Variants in STAU1 observed in about 807,000 individuals in gnomAD.
STAU1 encodes the protein double-stranded RNA-binding protein Staufen homolog 1.
A neutral mutation model predicts 62.9 loss-of-function variants in STAU1; 13 were observed. That is an observed-to-expected ratio of 0.21 (90% CI 0.13 to 0.33). The LOEUF (loss-of-function observed/expected upper bound fraction) is 0.33. Among genes scored for constraint, STAU1 ranks in the 10% least tolerant of loss-of-function variants. The pLI is 1.00. For missense variants in STAU1, 571 were observed against 712.1 expected, an observed-to-expected ratio of 0.80 and a Z score of 2.25; for synonymous variants, 269 against 265.1, an observed-to-expected ratio of 1.01 and a Z score of -0.14.
At chr20:49,172,924 C>T (rs2093615229) in intron 2 of STAU1, among the ~76,000 whole-genome samples, 1 of 151,334 alleles carries the variant, frequency 6.6e-6, no homozygotes, top group Non-Finnish European at 1.5e-5. Context: ...GTTGCCCAGG[C>T]TAGAGTGCAG....
the STAU1 span, among the ~76,000 whole-genome samples, chr20:49,203,280 C>A: frequency 6.6e-6 from 1 of 151,962 alleles, no homozygotes; most frequent in Non-Finnish European, 1.5e-5. Context: ...CAAAACTTAC[C>A]CAGGTGTAGT....
chr20:49,171,694 GC>G (rs927616319), intron 2 of STAU1, among the ~76,000 whole-genome samples: 1 of 151,786 alleles, frequency 6.6e-6, no homozygotes, highest in African/African-American at 2.4e-5. Context: ...CTCCCTCCCA[GC>G]CCCCCAAAAT....
chr20:49,139,589 G>A (rs1276330113), intron 5 of STAU1, among the ~76,000 whole-genome samples: 1 of 151,802 alleles, frequency 6.6e-6, no homozygotes, highest in Non-Finnish European at 1.5e-5. Flanking sequence ...AGCCGGGTGT[G>A]GTAGCAGACG....
At chr20:49,157,963 G>A (rs2093388138) in intron 3 of STAU1, among the ~76,000 whole-genome samples, 1 of 151,514 alleles carries the variant, frequency 6.6e-6, no homozygotes, top group Non-Finnish European at 1.5e-5. Flanking sequence ...AAAGATTTGA[G>A]ATTCACTACT....
chr20:49,205,500 G>A, the STAU1 span, among the ~76,000 whole-genome samples: 9 of 151,342 alleles, frequency 5.9e-5, no homozygotes, highest in Admixed American at 6.0e-4. Context: ...TGAGTAGCTG[G>A]GATTACAGGC....
intron 7 of STAU1, 53 bp from the exon 8 acceptor site, chr20:49,123,288 G>C: frequency 1.2e-6 from 2 of 1,612,984 alleles, no homozygotes; most frequent in Non-Finnish European, 1.7e-6. Flanking sequence ...GCATGAACTT[G>C]GTCAACTCAG....
intron 9 of STAU1, among the ~76,000 whole-genome samples, chr20:49,119,128 A>G (rs1417934993): frequency 6.6e-6 from 1 of 152,222 alleles, no homozygotes; most frequent in Non-Finnish European, 1.5e-5. Context: ...GAAGAAGGTC[A>G]GCCATGGCTT....
chr20:49,136,222 GC>G lies in STAU1; in HGVS notation c.511-292del, dbSNP rs537757043. Among the ~76,000 whole-genome samples, 5 of 152,274 alleles carry G rather than the reference GC, an allele frequency of 3.3e-5. No individual in the cohort carries two copies. In the South Asian group the frequency reaches 1.0e-3, roughly 32 times the overall value. ...GGGCTGAGGCAGGAGCATTGCTTGAGCCCAGGAGATCGAGGCTGCAGTAAGC... is the reference window on the plus strand; with the variant it reads ...GGGCTGAGGCAGGAGCATTGCTTGAGCCAGGAGATCGAGGCTGCAGTAAGC... On this transcript the variant is annotated intron_variant, in intron 5 of 13. Coordinates refer to ENST00000371856, the MANE Select transcript of STAU1 (RefSeq NM_017453.4).
chr20:49,145,916 T>G (rs941573472), intron 5 of STAU1, among the ~76,000 whole-genome samples: 11 of 148,946 alleles, frequency 7.4e-5, no homozygotes, highest in Middle Eastern at 3.4e-3. Flanking sequence ...TAGAAAAAAA[T>G]AAAAAAGAAA....
At chr20:49,133,074 A>T (rs1425900770) in intron 6 of STAU1, among the ~76,000 whole-genome samples, 1 of 152,220 alleles carries the variant, frequency 6.6e-6, no homozygotes, top group East Asian at 1.9e-4. Context: ...AAGCTGTGAT[A>T]AATTACTTTA....
At chr20:49,155,935 G>A (rs1460136100) in intron 3 of STAU1, among the ~76,000 whole-genome samples, 1 of 152,056 alleles carries the variant, frequency 6.6e-6, no homozygotes, top group Non-Finnish European at 1.5e-5. Context: ...TGCATGTGAG[G>A]GGGTCTCTGC....
intron 1 of STAU1, among the ~76,000 whole-genome samples, chr20:49,174,836 C>G (rs1315506614): frequency 1.3e-5 from 2 of 151,094 alleles, no homozygotes; most frequent in South Asian, 4.2e-4. Context: ...ACTTGGGAGG[C>G]TGAGGCAGAA....
At chr20:49,200,196 G>A in the STAU1 span, among the ~76,000 whole-genome samples, 1 of 152,142 alleles carries the variant, frequency 6.6e-6, no homozygotes, top group African/African-American at 2.4e-5. Flanking sequence ...GTTTATAGTA[G>A]CTTAATTCAT....
At chr20:49,206,136 C>A in the STAU1 span, among the ~76,000 whole-genome samples, 2 of 148,400 alleles carry the variant, frequency 1.3e-5, no homozygotes, top group African/African-American at 4.9e-5. Flanking sequence ...GCGCTCGCCA[C>A]CACGCCCAGC....
the STAU1 span, among the ~76,000 whole-genome samples, chr20:49,217,519 G>T: frequency 2.0e-5 from 3 of 151,866 alleles, no homozygotes. Context: ...CTTTGTATCC[G>T]GAGTTTTTCT....
At chr20:49,144,956 T>C (rs1226613366) in intron 5 of STAU1, among the ~76,000 whole-genome samples, 1 of 152,166 alleles carries the variant, frequency 6.6e-6, no homozygotes, top group Non-Finnish European at 1.5e-5. Context: ...TAAGATCCCA[T>C]CATGTAAAGA....
intron 2 of STAU1, among the ~76,000 whole-genome samples, chr20:49,166,894 A>G (rs1224842389): frequency 3.9e-5 from 6 of 152,174 alleles, no homozygotes; most frequent in Admixed American, 2.0e-4. Flanking sequence ...TAGAACCCAA[A>G]CAAGGAAACT....
chr20:49,142,182 G>A (rs10432730), intron 5 of STAU1, among the ~76,000 whole-genome samples: 57,720 of 151,954 alleles, frequency 0.38, 11,095 homozygotes, highest in Middle Eastern at 0.48. Flanking sequence ...CGCCTCCTGG[G>A]TTCCAGTGAT....
the STAU1 span, among the ~76,000 whole-genome samples, chr20:49,195,535 CAAAAAAA>C: frequency 0.027 from 1,012 of 38,096 alleles, 14 homozygotes; most frequent in Admixed American, 0.041. Flanking sequence ...GACTCCGTCT[CAAAAAAA>C]AAAAAAAAAA....
Sources: allele counts gnomAD v4.1 joint callset (sites outside exome capture counted in the v4.1 genomes callset), GRCh38; gene constraint gnomAD v4.1.1; transcripts MANE v1.5; gene names NCBI Gene and HGNC (gene_info 2026-07-23, HGNC 2026-07-21).